ECHDC3: variants seen among roughly 807,000 people sequenced by gnomAD.
ECHDC3 encodes enoyl-CoA hydratase domain-containing protein 3, mitochondrial.
Under a neutral mutation model 17.9 loss-of-function variants are expected in ECHDC3, and 20 were observed. The observed-to-expected ratio is 1.12, with a 90% CI of 0.79 to 1.63. The LOEUF (loss-of-function observed/expected upper bound fraction) is 1.63. Among genes scored for constraint, ECHDC3 ranks in the 40% most tolerant of loss-of-function variants. The pLI is 0.00. For synonymous variants in ECHDC3, 177 were observed against 149.7 expected (o/e 1.18, Z -1.33); for missense variants, 407 against 357.7 (o/e 1.14, Z -1.11).
In ECHDC3 at chr10:11,755,603, A is replaced by G. The variant is rs1325383596; in HGVS notation, c.586A>G (p.Arg196Gly). ...GGTTGCCTTGGCAAGAGCAGTGCCTAGAAAGGTAATTTAACTCCCCCCACC... is the reference window on the plus strand; with the variant it reads ...GGTTGCCTTGGCAAGAGCAGTGCCTGGAAAGGTAATTTAACTCCCCCCACC... ...PGVALARAVP[R>G]KVALEMLFTG... The change falls in exon 4 of 5, where the codon AGA becomes GGA. Residue 196 changes from arginine to glycine, a missense_variant. By Grantham distance (125) the Arg-to-Gly change is moderately radical (BLOSUM62 -2). Coordinates refer to ENST00000379215, the MANE Select transcript of ECHDC3 (RefSeq NM_024693.5). 6.2e-7 allele frequency: 1 copy of G among 1,611,816 alleles called. No individual in the cohort carries two copies. The highest frequency in any genetic ancestry group is 2.2e-5 in the East Asian group (1 of 44,798).
chr10:11,763,522 T>C lies in ECHDC3; in HGVS notation c.890T>C (p.Val297Ala), dbSNP rs1278948784. ...ITAFLQKRKP[V>A]WSHEPV ...GCCTTCCTCCAGAAGAGAAAACCTG[T>C]CTGGTCACACGAGCCAGTGTGAGTG... is the stretch of plus-strand genomic sequence containing the variant. Residue 297 changes from valine (V) to alanine (A), a missense_variant, in exon 5 of 5, where the codon GTC becomes GCC. Coordinates refer to ENST00000379215, the MANE Select transcript of ECHDC3 (RefSeq NM_024693.5). This position sits in a 1 kb window ranked among gnomAD's most constrained non-coding sequence, Gnocchi z 4.9. 1.4e-6 allele frequency: 2 copies of C among 1,463,932 alleles called. No homozygotes were observed. Among genetic ancestry groups the C allele is most frequent in the South Asian group, 2.4e-5 (2 of 84,462 alleles). The allele number at this position is 1,463,932 out of a possible 1,614,324, so 90.7% of individuals were successfully genotyped here.
Position 11,742,470 on chromosome 10 carries a change from C to A in ECHDC3, c.-107C>A. 1 of 1,118,328 alleles carries A rather than the reference C, an allele frequency of 8.9e-7. No individual in the cohort carries two copies. The allele number at this position is 1,118,328 out of a possible 1,614,324, so 69.3% of individuals were successfully genotyped here. On this transcript the variant is annotated 5_prime_UTR_variant, in exon 1 of 5. Transcript: ENST00000379215. ...TCCGGGTCTCGGCCACCGTCGAGTT[C>A]CGTCGAGTTCCGTCCCGGCCCTGCT...
chr10:11,750,204 A>G (rs1290926410), intron 3 of ECHDC3, among the ~76,000 whole-genome samples: 7 of 152,020 alleles, frequency 4.6e-5, no homozygotes. Context: ...GCATTGTGGG[A>G]GTATGTCTTG....
intron 1 of ECHDC3, chr10:11,743,005 G>A (rs1344107935): frequency 8.9e-6 from 3 of 336,780 alleles, no homozygotes; most frequent in Non-Finnish European, 1.6e-5. Flanking sequence ...CTGCGGAGAG[G>A]CCTGGAGAGG....
At chr10:11,750,309 A>AGTTT (rs1832810043) in intron 3 of ECHDC3, among the ~76,000 whole-genome samples, 1 of 152,248 alleles carries the variant, frequency 6.6e-6, no homozygotes, top group Non-Finnish European at 1.5e-5. Flanking sequence ...ATTTTAAACT[A>AGTTT]AAACAACTCT....
At chr10:11,755,703 T>G in intron 4 of ECHDC3, 95 bp downstream of exon 4, 1 of 1,221,816 alleles carries the variant, frequency 8.2e-7, no homozygotes, top group Admixed American at 2.2e-5. Context: ...TTGTTAAAAG[T>G]GCCTTTCATA....
At chr10:11,749,162 A>G (rs558438650) in intron 2 of ECHDC3, among the ~76,000 whole-genome samples, 1 of 152,358 alleles carries the variant, frequency 6.6e-6, no homozygotes, top group African/African-American at 2.4e-5. Flanking sequence ...CACTCAGGCC[A>G]GAGCGAGTCC....
At chr10:11,757,531 G>A (rs1481120438) in intron 4 of ECHDC3, among the ~76,000 whole-genome samples, 1 of 152,262 alleles carries the variant, frequency 6.6e-6, no homozygotes, top group African/African-American at 2.4e-5. Flanking sequence ...TCTCCAGACA[G>A]CCCTACTCAG....
At position 11,753,828 on chromosome 10, in the gene ECHDC3, G is replaced by A. The variant is rs541120607; in HGVS notation, c.391-1580G>A. On this transcript the variant is annotated intron_variant, in intron 3 of 4. Coordinates refer to ENST00000379215, the MANE Select transcript of ECHDC3 (RefSeq NM_024693.5). The stretch of plus-strand genomic sequence containing the variant: ...CTCACTGTGTCACCCAGGCTAGAGT[G>A]CAATGGCGCGATCTCAGCTCACCAC... Among the ~76,000 whole-genome samples the A allele has an allele frequency of 5.2e-4, 79 of 152,070 alleles. 2 individuals are homozygous for A. Among genetic ancestry groups the A allele is most frequent in the African/African-American group, 1.8e-3 (75 of 41,472 alleles).
At chr10:11,760,207 G>T (rs1453476966) in intron 4 of ECHDC3, among the ~76,000 whole-genome samples, 1 of 152,192 alleles carries the variant, frequency 6.6e-6, no homozygotes, top group East Asian at 1.9e-4. Context: ...ATGGTCATTT[G>T]TACCCGAGCG....
chr10:11,763,257 A>G lies in ECHDC3; in HGVS notation c.625A>G (p.Ile209Val), dbSNP rs550299799. 1.3e-6 allele frequency: 1 copy of G among 779,934 alleles called. No individual in the cohort carries two copies. Among genetic ancestry groups the G allele is most frequent in the South Asian group, 1.3e-5 (1 of 74,574 alleles). 48.3% of individuals were successfully genotyped at this position (779,934 alleles called of 1,614,324 possible). A position where few individuals can be genotyped will look rare whatever the true frequency, so the allele number is the denominator to read the frequency against. The part of the protein sequence containing the change: ...ALEMLFTGEP[I>V]SAQEALLHGL... ...GGAGATGCTCTTTACTGGTGAGCCC[A>G]TTTCTGCCCAGGAGGCCCTGCTCCA... The change falls in exon 5 of 5, where the codon ATT becomes GTT. Residue 209 changes from isoleucine (I) to valine (V), a missense_variant. Transcript: ENST00000379215. The surrounding 1 kb of genome is among the most constrained non-coding windows in gnomAD (Gnocchi z 4.9).
intron 4 of ECHDC3, 182 bp downstream of exon 4, chr10:11,755,790 A>G: frequency 3.5e-6 from 2 of 568,728 alleles, no homozygotes; most frequent in South Asian, 5.2e-5. Context: ...GGAAGAGCCG[A>G]CCGCCTGCCT....
chr10:11,747,115 GAAAC>G (rs1418430733), intron 1 of ECHDC3, among the ~76,000 whole-genome samples: 2 of 152,140 alleles, frequency 1.3e-5, no homozygotes, highest in African/African-American at 2.4e-5. Context: ...GAGAAAAAGA[GAAAC>G]AAATCAAGGG....
intron 4 of ECHDC3, among the ~76,000 whole-genome samples, chr10:11,756,065 A>T (rs1832884001): frequency 6.6e-6 from 1 of 152,188 alleles, no homozygotes; most frequent in African/African-American, 2.4e-5. Context: ...CTTCATCAAC[A>T]GTCTGTCTTG....
intron 1 of ECHDC3, among the ~76,000 whole-genome samples, chr10:11,744,825 G>A (rs1339057785): frequency 6.6e-6 from 1 of 152,184 alleles, no homozygotes; most frequent in Non-Finnish European, 1.5e-5. Flanking sequence ...TTTGAGAATG[G>A]GGGAATGCCC....
chr10:11,745,276 G>A (rs1832747636), intron 1 of ECHDC3, among the ~76,000 whole-genome samples: 1 of 152,152 alleles, frequency 6.6e-6, no homozygotes, highest in South Asian at 2.1e-4. Flanking sequence ...GCGCACAATG[G>A]CCTCGGGGGC....
At chr10:11,756,389 A>C (rs1200955424) in intron 4 of ECHDC3, among the ~76,000 whole-genome samples, 1 of 152,244 alleles carries the variant, frequency 6.6e-6, no homozygotes, top group Non-Finnish European at 1.5e-5. Flanking sequence ...GACCACACCA[A>C]GCAAAGAAGC....
chr10:11,750,788 C>T (rs945814358), intron 3 of ECHDC3, among the ~76,000 whole-genome samples: 1 of 152,174 alleles, frequency 6.6e-6, no homozygotes, highest in Admixed American at 6.6e-5. Flanking sequence ...CATTCATTGA[C>T]TTATTCATTC....
intron 3 of ECHDC3, among the ~76,000 whole-genome samples, chr10:11,755,156 A>T (rs2133792323): frequency 6.6e-6 from 1 of 152,154 alleles, no homozygotes; most frequent in Admixed American, 6.5e-5. Flanking sequence ...CCCCATCTTT[A>T]CTAAAAATAC....
Sources: gnomAD v4.1 joint callset for allele counts (sites outside exome capture counted in the v4.1 genomes callset) on GRCh38, gnomAD v4.1.1 for gene constraint, Gnocchi (gnomAD v3.1) non-coding constraint, MANE v1.5 for transcripts, NCBI Gene and HGNC (gene_info 2026-07-23, HGNC 2026-07-21) for gene names.